MYOF: variants seen among roughly 807,000 people sequenced by gnomAD.
MYOF encodes the protein fer-1-like 3, myoferlin.
Under a neutral mutation model 284.2 loss-of-function variants are expected in MYOF, and 244 were observed. That is an observed-to-expected ratio of 0.86 (90% CI 0.77 to 0.95). The LOEUF (loss-of-function observed/expected upper bound fraction) is 0.95, where lower values mean the gene tolerates loss of function less well. Among genes scored for constraint, MYOF ranks in the 40% least tolerant of loss-of-function variants. The pLI is 0.00. For missense variants in MYOF, 2,496 were observed against 2,560.6 expected, an observed-to-expected ratio of 0.97 and a Z score of 0.54; for synonymous variants, 904 against 919.7, an observed-to-expected ratio of 0.98 and a Z score of 0.31.
chr10:93,353,343 G>A (rs966949180), intron 32 of MYOF, among the ~76,000 whole-genome samples: 1 of 152,162 alleles, frequency 6.6e-6, no homozygotes, highest in Non-Finnish European at 1.5e-5. Context: ...TTGGGAATGT[G>A]GGGAGCAGGC....
chr10:93,310,357 T>C (rs1479086255), intron 52 of MYOF, among the ~76,000 whole-genome samples, 177 bp downstream of exon 52: 3 of 152,190 alleles, frequency 2.0e-5, no homozygotes, highest in African/African-American at 2.4e-5. Flanking sequence ...TTTGGTTTCC[T>C]GGAAAGGAGA....
intron 45 of MYOF, among the ~76,000 whole-genome samples, chr10:93,327,431 C>A (rs1415448827): frequency 6.6e-6 from 1 of 152,086 alleles, no homozygotes; most frequent in Non-Finnish European, 1.5e-5. Context: ...GTGGCACAAG[C>A]TCATGGCCAG....
chr10:93,471,614 C>A (rs997199054), intron 1 of MYOF, among the ~76,000 whole-genome samples: 4 of 152,132 alleles, frequency 2.6e-5, no homozygotes, highest in South Asian at 2.1e-4. Context: ...GAAGGCGGGG[C>A]GTGGTGCCTC....
Position 93,458,484 on chromosome 10 carries a change from C to T in MYOF, c.89-1547G>A, listed in dbSNP as rs2056796991. ...GGTGCGGTGGCTGACACCTGTAATC[C>T]CAGCACTTTGGGAGGCCAAGGCGGG... On this transcript the variant is annotated intron_variant, in intron 1 of 53. Transcript: ENST00000359263. 3.9e-5 allele frequency among the ~76,000 whole-genome samples: 6 copies of T among 152,126 alleles called. No individual in the cohort carries two copies. The South Asian group carries it at 1.2e-3, about 31-fold the overall frequency.
In MYOF at chr10:93,409,717, AC is replaced by A. The variant is rs751366740; in HGVS notation, c.455del (p.Gly152ValfsTer34). 6.2e-7 allele frequency: 1 copy of A among 1,614,052 alleles called. No homozygotes were observed. On this transcript the variant is annotated frameshift_variant, in exon 6 of 54. Transcript: ENST00000359263. LOFTEE classifies it high-confidence loss of function. Reference sequence around the variant, plus strand: ...CTGCATTGTCCAACCTGTCTTCATCACCTTCATCTTCTTCCCCATCTCCTAA... The same window carrying A: ...CTGCATTGTCCAACCTGTCTTCATCACTTCATCTTCTTCCCCATCTCCTAA... ...GMGGDGEEDEGDEDRLDNAVR... is the reference protein window; with the variant it reads ...GMGGDGEEDEXDEDRLDNAVR...
At chr10:93,330,467 G>A (rs1003069043) in intron 43 of MYOF, among the ~76,000 whole-genome samples, 1 of 152,288 alleles carries the variant, frequency 6.6e-6, no homozygotes, top group African/African-American at 2.4e-5. Context: ...GGGGAGGGGA[G>A]TGAGTGTGAT....
intron 22 of MYOF, among the ~76,000 whole-genome samples, chr10:93,376,442 T>C (rs1845838127): frequency 6.6e-6 from 1 of 152,130 alleles, no homozygotes. Context: ...TGTTTTCTCA[T>C]TTACAAGATA....
At chr10:93,341,420 C>G (rs918834564) in intron 38 of MYOF, among the ~76,000 whole-genome samples, 1 of 151,972 alleles carries the variant, frequency 6.6e-6, no homozygotes, top group African/African-American at 2.4e-5. Context: ...GGATTACAGG[C>G]GCCTGCCACC....
intron 19 of MYOF, among the ~76,000 whole-genome samples, chr10:93,382,754 T>C (rs1408790824): frequency 6.6e-6 from 1 of 152,224 alleles, no homozygotes; most frequent in African/African-American, 2.4e-5. Context: ...CAAAGAGCCA[T>C]GCAATGGTTT....
chr10:93,477,985 C>A lies in MYOF; in HGVS notation c.88+4122G>T, dbSNP rs73323417. Among the ~76,000 whole-genome samples the A allele has an allele frequency of 2.3e-3, 357 of 152,166 alleles. 2 individuals are homozygous for A. The highest frequency in any genetic ancestry group is 8.4e-3 in the African/African-American group (348 of 41,518). On this transcript the variant is annotated intron_variant, in intron 1 of 53. Coordinates refer to ENST00000359263, the MANE Select transcript of MYOF (RefSeq NM_013451.4). Reference sequence around the variant, plus strand: ...CTAGAGCAAAAGATCAAGAAGGATTCAAATCAAATTGTTCAGAGTGGTGAC... The same window carrying A: ...CTAGAGCAAAAGATCAAGAAGGATTAAAATCAAATTGTTCAGAGTGGTGAC...
chr10:93,479,415 A>G (rs2057341751), intron 1 of MYOF, among the ~76,000 whole-genome samples: 1 of 152,296 alleles, frequency 6.6e-6, no homozygotes, highest in Middle Eastern at 3.4e-3. Context: ...TCAGAACTTA[A>G]TGTTACTTAA....
At chr10:93,436,879 C>G (rs1219069416) in intron 3 of MYOF, among the ~76,000 whole-genome samples, 1 of 152,140 alleles carries the variant, frequency 6.6e-6, no homozygotes, top group East Asian at 1.9e-4. Flanking sequence ...TATAGTGTGA[C>G]AGTGAGGGGG....
chr10:93,307,033 A>T, intron 53 of MYOF, 32 bp from the exon 54 acceptor site: 1 of 1,582,080 alleles, frequency 6.3e-7, no homozygotes, highest in African/African-American at 1.3e-5. Context: ...TGGTAAAAAA[A>T]CATGTATGTA....
At chr10:93,396,093 G>A in intron 16 of MYOF, 49 bp downstream of exon 16, 1 of 1,446,362 alleles carries the variant, frequency 6.9e-7, no homozygotes, top group South Asian at 1.3e-5. Context: ...TCTCAGACTG[G>A]AGAAAAGTTC....
chr10:93,358,663 G>A (rs1245731194), intron 29 of MYOF, among the ~76,000 whole-genome samples: 6 of 152,134 alleles, frequency 3.9e-5, no homozygotes, highest in African/African-American at 1.4e-4. Flanking sequence ...CATGGATGGA[G>A]CTGGAAGCCA....
Position 93,367,566 on chromosome 10 carries a change from G to A in MYOF, c.2590-1011C>T, listed in dbSNP as rs546038735. ...ATCCTAAGGGACCTTAAGGCTTGGG[G>A]TCACATGACATGGACACAGAATGGA... On this transcript the variant is annotated intron_variant, in intron 25 of 53. Coordinates refer to ENST00000359263, the MANE Select transcript of MYOF (RefSeq NM_013451.4). Among the ~76,000 whole-genome samples the A allele has an allele frequency of 2.6e-5, 4 of 152,266 alleles. No homozygotes were observed. The South Asian group carries it at 6.2e-4, about 24-fold the overall frequency.
At position 93,377,202 on chromosome 10, in the gene MYOF, G is replaced by C. The variant is rs192235669; in HGVS notation, c.2108+121C>G. 8.9e-5 allele frequency: 66 copies of C among 739,088 alleles called. No homozygotes were observed. In the East Asian group the frequency reaches 1.6e-3, roughly 18 times the overall value. 45.8% of individuals were successfully genotyped at this position (739,088 alleles called of 1,614,324 possible). On this transcript the variant is annotated intron_variant, in intron 22 of 53. Transcript: ENST00000359263. ...CCAGTGAGGACTTTTTACGAAGTTTGAATAATTCAAAATCACTTCTTAGAC... is the reference window on the plus strand; with the variant it reads ...CCAGTGAGGACTTTTTACGAAGTTTCAATAATTCAAAATCACTTCTTAGAC...
At chr10:93,371,611 T>C (rs1845592331) in intron 24 of MYOF, among the ~76,000 whole-genome samples, 1 of 152,248 alleles carries the variant, frequency 6.6e-6, no homozygotes, top group Non-Finnish European at 1.5e-5. Flanking sequence ...TTTATGTTAG[T>C]AACGGGTTAT....
chr10:93,404,784 A>T (rs529837097), intron 7 of MYOF, among the ~76,000 whole-genome samples: 14 of 152,196 alleles, frequency 9.2e-5, no homozygotes, highest in African/African-American at 3.4e-4. Flanking sequence ...GTGTCTAGTG[A>T]CTCTAATTTT....
Sources: gnomAD v4.1 joint callset for allele counts (sites outside exome capture counted in the v4.1 genomes callset) on GRCh38, gnomAD v4.1.1 for gene constraint, MANE v1.5 for transcripts, NCBI Gene and HGNC (gene_info 2026-07-23, HGNC 2026-07-21) for gene names.